The following HERC2 variants were observed in gnomAD, a reference collection of about 807,000 sequenced individuals.
The protein encoded by HERC2 is HECT and RLD domain containing E3 ubiquitin protein ligase 2, also known as E3 ubiquitin-protein ligase HERC2.
In HERC2, 102 loss-of-function variants were observed where a neutral mutation model predicts 537.7. That is an observed-to-expected ratio of 0.19 (90% CI 0.16 to 0.22). The LOEUF is 0.22. HERC2 is among the 10% of genes least tolerant of loss of function. HERC2 has a pLI of 1.00. For synonymous variants in HERC2, 2,224 were observed against 2,466.2 expected (o/e 0.90, Z 2.91); for missense variants, 4,236 against 6,198.2 (o/e 0.68, Z 10.63).
rs112973969 is a variant in HERC2 at position 28,187,653 on chromosome 15, A to C, written c.8650-901T>G. Among the ~76,000 whole-genome samples the C allele has an allele frequency of 4.1e-3, 629 of 152,252 alleles. 4 individuals are homozygous for C. The highest frequency in any genetic ancestry group is 0.014 in the African/African-American group (599 of 41,558). ...TGGCCAGAATTATGGAGTTTTTTGA[A>C]AAACATATCCGCATTGCTATTATCA... On this transcript the variant is annotated intron_variant, in intron 55 of 92. Transcript: ENST00000261609.
At chr15:28,267,678 A>C (rs1470526301) in intron 12 of HERC2, among the ~76,000 whole-genome samples, 1 of 152,214 alleles carries the variant, frequency 6.6e-6, no homozygotes, top group Non-Finnish European at 1.5e-5. Flanking sequence ...CTTTTCTCCC[A>C]GTTTGGGATC....
intron 22 of HERC2, among the ~76,000 whole-genome samples, 169 bp downstream of exon 22, chr15:28,246,573 G>A (rs895680484): frequency 2.0e-5 from 3 of 151,802 alleles, no homozygotes; most frequent in Non-Finnish European, 2.9e-5. Context: ...ATACCAGCTG[G>A]CTTAACAACA....
intron 37 of HERC2, among the ~76,000 whole-genome samples, chr15:28,219,003 G>GA (rs1395489970): frequency 6.6e-6 from 1 of 152,116 alleles, no homozygotes; most frequent in Non-Finnish European, 1.5e-5. Flanking sequence ...TTTACAAGAA[G>GA]AAAAGATGGA....
chr15:28,113,391 G>A lies in HERC2; in HGVS notation c.14020-108C>T. On this transcript the variant is annotated intron_variant, in intron 91 of 92. Transcript: ENST00000261609. This position sits in a 1 kb window ranked among gnomAD's most constrained non-coding sequence, Gnocchi z 7.0. Reference sequence around the variant, plus strand: ...CCAAGGCCTGTTTGGGGTGGGGAAAGGTCTGGGGGCTCTGGGTGGGCCCAC... The same window carrying A: ...CCAAGGCCTGTTTGGGGTGGGGAAAAGTCTGGGGGCTCTGGGTGGGCCCAC... The A allele has an allele frequency of 7.8e-7, 1 of 1,282,178 alleles. No homozygotes were observed. The highest frequency in any genetic ancestry group is 1.1e-6 in the Non-Finnish European group (1 of 905,332). 79.4% of individuals were successfully genotyped at this position (1,282,178 alleles called of 1,614,324 possible).
At chr15:28,317,246 ACGC>A (rs2141318629) in intron 2 of HERC2, among the ~76,000 whole-genome samples, 2 of 152,182 alleles carry the variant, frequency 1.3e-5, no homozygotes, top group East Asian at 3.9e-4. Context: ...GCACACTACC[ACGC>A]CTGACTCTTT....
chr15:28,192,510 G>T (rs1896944731), intron 52 of HERC2, among the ~76,000 whole-genome samples: 1 of 152,212 alleles, frequency 6.6e-6, no homozygotes, highest in African/African-American at 2.4e-5. Context: ...AAATTGTAAA[G>T]TGCTTCCACT....
At chr15:28,266,040 A>G in intron 12 of HERC2, 66 bp from the exon 13 acceptor site, 1 of 1,551,274 alleles carries the variant, frequency 6.4e-7, no homozygotes, top group Non-Finnish European at 8.8e-7. Context: ...TAATGTTAAC[A>G]AAGGAAATTC....
intron 3 of HERC2, among the ~76,000 whole-genome samples, chr15:28,295,370 C>T (rs2076439976): frequency 6.6e-6 from 1 of 151,650 alleles, no homozygotes; most frequent in Non-Finnish European, 1.5e-5. Flanking sequence ...ACAGGACAAA[C>T]CCAGCCCACA....
intron 38 of HERC2, among the ~76,000 whole-genome samples, chr15:28,216,333 T>C (rs1172754867): frequency 3.3e-5 from 5 of 152,286 alleles, no homozygotes; most frequent in Admixed American, 1.3e-4. Context: ...TTTGTATTTT[T>C]AGTAGAGACA....
At chr15:28,285,554 G>T in intron 4 of HERC2, among the ~76,000 whole-genome samples, 1 of 151,796 alleles carries the variant, frequency 6.6e-6, no homozygotes, top group East Asian at 1.9e-4. Context: ...AGTGGGTGAT[G>T]AGAAATTTAC....
chr15:28,182,297 A>C (rs1895896562), intron 57 of HERC2, 104 bp downstream of exon 57: 3 of 663,710 alleles, frequency 4.5e-6, no homozygotes, highest in Admixed American at 5.4e-5. Context: ...GTTCGTGTAA[A>C]GAAACAATAC....
intron 69 of HERC2, among the ~76,000 whole-genome samples, chr15:28,153,931 G>A (rs1294443118): frequency 6.6e-6 from 1 of 152,114 alleles, no homozygotes; most frequent in Non-Finnish European, 1.5e-5. Flanking sequence ...GAGACAGGGA[G>A]AGTCTGTGAC....
chr15:28,142,155 T>C, intron 76 of HERC2, 83 bp downstream of exon 76: 4 of 1,480,974 alleles, frequency 2.7e-6, no homozygotes, highest in South Asian at 2.7e-5. Flanking sequence ...TTTTTCTGTG[T>C]CTCGTAATAT....
chr15:28,183,190 T>A (rs1230296123), intron 56 of HERC2, among the ~76,000 whole-genome samples: 22 of 152,122 alleles, frequency 1.4e-4, no homozygotes, highest in Admixed American at 1.4e-3. Flanking sequence ...TGACCTGCCC[T>A]CAACAGGTTA....
intron 66 of HERC2, among the ~76,000 whole-genome samples, chr15:28,169,067 T>C (rs980579848): frequency 2.6e-5 from 4 of 152,232 alleles, no homozygotes; most frequent in Non-Finnish European, 5.9e-5. Flanking sequence ...CATTAGTAGA[T>C]GGGAAACTTA....
chr15:28,148,596 C>T (rs1892017091), intron 70 of HERC2, among the ~76,000 whole-genome samples: 1 of 152,168 alleles, frequency 6.6e-6, no homozygotes, highest in Non-Finnish European at 1.5e-5. Context: ...CATGAACGTA[C>T]ATTCTGGTGA....
intron 88 of HERC2, 21 bp downstream of exon 88, chr15:28,116,644 T>TCAAGC (rs1888288624): frequency 6.3e-7 from 1 of 1,594,718 alleles, no homozygotes; most frequent in African/African-American, 1.3e-5. Flanking sequence ...CGACACAGTC[T>TCAAGC]CAAGCGGCCG....
intron 4 of HERC2, among the ~76,000 whole-genome samples, chr15:28,291,836 C>T (rs1219962948): frequency 2.3e-5 from 3 of 131,900 alleles, no homozygotes; most frequent in African/African-American, 8.5e-5. Flanking sequence ...ACCCGGGAAG[C>T]GGAGGTTGCA....
intron 78 of HERC2, among the ~76,000 whole-genome samples, chr15:28,138,578 T>C (rs931951427): frequency 5.3e-5 from 8 of 152,020 alleles, no homozygotes; most frequent in Admixed American, 5.2e-4. Flanking sequence ...TATTGAGGCC[T>C]ACTGCTCAGA....
Sources: allele counts gnomAD v4.1 joint callset (sites outside exome capture counted in the v4.1 genomes callset), GRCh38; gene constraint gnomAD v4.1.1; non-coding constraint Gnocchi (gnomAD v3.1); transcripts MANE v1.5; gene names NCBI Gene and HGNC (gene_info 2026-07-23, HGNC 2026-07-21).